Variants in STAB2 observed in about 807,000 individuals in gnomAD.
STAB2 encodes stabilin-2.
A neutral mutation model predicts 338.1 loss-of-function variants in STAB2; 288 were observed. That is an observed-to-expected ratio of 0.85 (90% CI 0.77 to 0.94). The LOEUF (loss-of-function observed/expected upper bound fraction) is 0.94. Ranked by LOEUF, STAB2 falls within the 40% of genes least tolerant of loss-of-function variation. The probability of loss-of-function intolerance (pLI) is 0.00; values close to 1 mark genes in which losing one functional copy is unlikely to be tolerated. For synonymous variants in STAB2, 1,202 were observed against 1,193.3 expected, an observed-to-expected ratio of 1.01 and a Z score of -0.15; for missense variants, 3,141 against 3,210.1, an observed-to-expected ratio of 0.98 and a Z score of 0.52.
At chr12:103,745,149 G>T in intron 56 of STAB2, 24 bp from the exon 57 acceptor site, 2 of 1,603,578 alleles carry the variant, frequency 1.2e-6, no homozygotes, top group South Asian at 2.2e-5. Context: ...CCTGATGACT[G>T]ACCATATCCT....
chr12:103,618,974 G>A (rs1263942195), intron 3 of STAB2, among the ~76,000 whole-genome samples: 6 of 152,108 alleles, frequency 3.9e-5, no homozygotes, highest in Admixed American at 3.9e-4. Context: ...TTTATAAAGA[G>A]GAATTCCCCT....
chr12:103,673,806 G>C, intron 22 of STAB2, 101 bp from the exon 23 acceptor site: 2 of 1,251,184 alleles, frequency 1.6e-6, no homozygotes, highest in Non-Finnish European at 2.2e-6. Context: ...AAGAGTGAGT[G>C]GGGGGTGAGA....
intron 52 of STAB2, among the ~76,000 whole-genome samples, 198 bp from the exon 53 acceptor site, chr12:103,737,436 T>C (rs569229251): frequency 1.3e-5 from 2 of 152,298 alleles, no homozygotes; most frequent in African/African-American, 4.8e-5. Context: ...CTTAGAACAG[T>C]ATCTGGCACA....
intron 1 of STAB2, among the ~76,000 whole-genome samples, chr12:103,588,482 CATCACCATCATCATCTTCTTA>C (rs1470390218): frequency 6.6e-6 from 1 of 152,194 alleles, no homozygotes; most frequent in South Asian, 2.1e-4. Flanking sequence ...TAGTAATTAT[CATCACCATCATCATCTTCTTA>C]ATCACCATCA....
chr12:103,700,767 A>T (rs992819993), intron 34 of STAB2, among the ~76,000 whole-genome samples: 2 of 152,232 alleles, frequency 1.3e-5, no homozygotes, highest in Admixed American at 6.5e-5. Context: ...TTATCTAGAG[A>T]AAGAATTCAT....
At chr12:103,633,255 A>G (rs868199939) in intron 6 of STAB2, among the ~76,000 whole-genome samples, 77 of 152,258 alleles carry the variant, frequency 5.1e-4, no homozygotes, top group African/African-American at 1.7e-3. Flanking sequence ...CTTCCAAGTA[A>G]AAAAATAATA....
intron 21 of STAB2, 42 bp from the exon 22 acceptor site, chr12:103,670,654 C>G: frequency 6.7e-7 from 1 of 1,489,532 alleles, no homozygotes; most frequent in South Asian, 1.1e-5. Context: ...CACCTGAGAA[C>G]TATGTGTCCT....
At chr12:103,641,668 CG>C (rs562267884) in intron 9 of STAB2, among the ~76,000 whole-genome samples, 18 of 152,202 alleles carry the variant, frequency 1.2e-4, no homozygotes, top group South Asian at 4.1e-4. Flanking sequence ...ATACCTTAAG[CG>C]AACTCTTTCC....
At chr12:103,617,287 G>T (rs558609651) in intron 3 of STAB2, among the ~76,000 whole-genome samples, 34 of 152,266 alleles carry the variant, frequency 2.2e-4, no homozygotes, top group African/African-American at 8.2e-4. Flanking sequence ...ATGCTCACTG[G>T]TAAATATCAA....
intron 3 of STAB2, 116 bp from the exon 4 acceptor site, chr12:103,620,352 C>A: frequency 1.1e-6 from 1 of 915,530 alleles, no homozygotes; most frequent in Non-Finnish European, 1.7e-6. Flanking sequence ...CCAACAGGTT[C>A]TGCAATTATT....
intron 56 of STAB2, among the ~76,000 whole-genome samples, chr12:103,743,960 G>C (rs1368811634): frequency 6.6e-6 from 1 of 152,194 alleles, no homozygotes; most frequent in East Asian, 1.9e-4. Context: ...GTTGTGAACA[G>C]AGGGATGTTG....
intron 24 of STAB2, among the ~76,000 whole-genome samples, chr12:103,676,672 T>C (rs947580644): frequency 4.6e-5 from 7 of 152,272 alleles, no homozygotes; most frequent in African/African-American, 7.2e-5. Flanking sequence ...GAACCTACCA[T>C]TGCTTTCACT....
At position 103,759,291 on chromosome 12, in the gene STAB2, C is replaced by G. The variant is rs1593353188; in HGVS notation, c.7248+18C>G. On this transcript the variant is annotated intron_variant, in intron 65 of 68. Coordinates refer to ENST00000388887, the MANE Select transcript of STAB2 (RefSeq NM_017564.10). Reference sequence around the variant, plus strand: ...TCCAACCGGTACAAAGTCTTCTGGGCTTCTTGGGGGAACGGGAGATAATGC... The same window carrying G: ...TCCAACCGGTACAAAGTCTTCTGGGGTTCTTGGGGGAACGGGAGATAATGC... The G allele has an allele frequency of 6.2e-7, 1 of 1,611,038 alleles. No individual in the cohort carries two copies. Among genetic ancestry groups the G allele is most frequent in the Non-Finnish European group, 8.5e-7 (1 of 1,178,516 alleles).
chr12:103,621,659 G>T (rs1834872), intron 4 of STAB2, among the ~76,000 whole-genome samples: 1,686 of 152,314 alleles, frequency 0.011, 27 homozygotes, highest in African/African-American at 0.038. Context: ...GGAGGCGGAG[G>T]TTTCAGTGAG....
At chr12:103,633,218 G>A (rs1202071236) in intron 6 of STAB2, among the ~76,000 whole-genome samples, 1 of 152,194 alleles carries the variant, frequency 6.6e-6, no homozygotes, top group African/African-American at 2.4e-5. Context: ...CCAGAAGCCA[G>A]CCTAAGGGAA....
At chr12:103,593,902 G>A (rs1047477877) in intron 2 of STAB2, among the ~76,000 whole-genome samples, 1 of 152,188 alleles carries the variant, frequency 6.6e-6, no homozygotes, top group Admixed American at 6.5e-5. Context: ...CTCCTACAAG[G>A]ATATTGTGGG....
intron 38 of STAB2, 106 bp downstream of exon 38, chr12:103,707,093 A>G: frequency 7.6e-7 from 1 of 1,314,622 alleles, no homozygotes; most frequent in East Asian, 2.5e-5. Context: ...CTGTCGCCCC[A>G]AGTGGGCTGG....
intron 44 of STAB2, among the ~76,000 whole-genome samples, chr12:103,722,173 C>T (rs866997326): frequency 4.2e-4 from 64 of 152,124 alleles, no homozygotes; most frequent in Non-Finnish European, 2.8e-4. Flanking sequence ...GAGGCAAAGA[C>T]GGGGCAGGTG....
rs1252195517 is a variant in STAB2 at position 103,737,687 on chromosome 12, G to C, written c.5604G>C (p.Leu1868Phe). ...QTCRIVQREL[L>F]FDLGVAYGID... ...GCAGAATTGTGCAGCGGGAGCTCTTGTTTGACCTGGGTGTGGCCTACGGCA... is the reference window on the plus strand; with the variant it reads ...GCAGAATTGTGCAGCGGGAGCTCTTCTTTGACCTGGGTGTGGCCTACGGCA... Residue 1868 changes from leucine (L) to phenylalanine (F), a missense_variant, in exon 53 of 69, where the codon TTG becomes TTC. Leu to Phe is a conservative substitution (Grantham distance 22). Coordinates refer to ENST00000388887, the MANE Select transcript of STAB2 (RefSeq NM_017564.10). 34 of 1,587,936 alleles carry C rather than the reference G, an allele frequency of 2.1e-5. No homozygotes were observed. The highest frequency in any genetic ancestry group is 3.5e-5 in the Admixed American group (2 of 57,696).
Sources: gnomAD v4.1 joint callset for allele counts (sites outside exome capture counted in the v4.1 genomes callset) on GRCh38, gnomAD v4.1.1 for gene constraint, MANE v1.5 for transcripts, NCBI Gene and HGNC (gene_info 2026-07-23, HGNC 2026-07-21) for gene names.